The following DCC variants were observed in gnomAD, a reference collection of about 807,000 sequenced individuals.
DCC encodes netrin receptor DCC.
A neutral mutation model predicts 172.5 loss-of-function variants in DCC; 58 were observed. That is an observed-to-expected ratio of 0.34 (90% CI 0.27 to 0.42). The LOEUF is 0.42. DCC is among the 10% of genes least tolerant of loss of function. DCC has a pLI of 1.00. For missense variants in DCC, 1,740 were observed against 1,791.0 expected (o/e 0.97, Z 0.51); for synonymous variants, 709 against 644.5 (o/e 1.10, Z -1.52).
chr18:52,846,652 C>CACACACACAT (rs2038897970), intron 2 of DCC, among the ~76,000 whole-genome samples: 1 of 148,282 alleles, frequency 6.7e-6, no homozygotes, highest in Non-Finnish European at 1.5e-5. Flanking sequence ...CACACACACA[C>CACACACACAT]TTGGGGATAC....
At chr18:52,419,846 T>C (rs1292951583) in intron 1 of DCC, among the ~76,000 whole-genome samples, 4 of 152,218 alleles carry the variant, frequency 2.6e-5, no homozygotes, top group Non-Finnish European at 4.4e-5. Flanking sequence ...GGAATTATAT[T>C]AGTTTCATAA....
At chr18:53,301,107 GA>G (rs2057135743) in intron 12 of DCC, among the ~76,000 whole-genome samples, 1 of 135,232 alleles carries the variant, frequency 7.4e-6, no homozygotes, top group African/African-American at 2.8e-5. Flanking sequence ...TTCTTTTTCC[GA>G]GATGGAGTTT....
At chr18:52,443,449 GT>G (rs11324405) in intron 1 of DCC, among the ~76,000 whole-genome samples, 144,788 of 152,084 alleles carry the variant, frequency 0.95, 69,000 homozygotes, top group African/African-American at 0.99. Context: ...AAATGATGGT[GT>G]TTGTGGGACT....
intron 2 of DCC, among the ~76,000 whole-genome samples, chr18:52,868,762 C>G (rs973660424): frequency 2.0e-5 from 3 of 152,198 alleles, no homozygotes; most frequent in East Asian, 3.9e-4. Flanking sequence ...CTGGCCTGAA[C>G]CCCCTGCCTC....
At chr18:53,471,794 C>A (rs2045699922) in intron 25 of DCC, among the ~76,000 whole-genome samples, 1 of 152,136 alleles carries the variant, frequency 6.6e-6, no homozygotes, top group Non-Finnish European at 1.5e-5. Flanking sequence ...AGCAGGTCTT[C>A]CCTGACCATT....
chr18:53,272,785 T>A (rs901812666), intron 12 of DCC, among the ~76,000 whole-genome samples: 28 of 152,152 alleles, frequency 1.8e-4, no homozygotes, highest in Admixed American at 1.6e-3. Flanking sequence ...CTTCTTAATA[T>A]TTTTCCTTAG....
At chr18:52,940,236 T>A (rs1448866944) in intron 5 of DCC, among the ~76,000 whole-genome samples, 2 of 152,180 alleles carry the variant, frequency 1.3e-5, no homozygotes, top group Non-Finnish European at 2.9e-5. Context: ...GTAGGCCTTG[T>A]ATAAAATGAT....
intron 2 of DCC, among the ~76,000 whole-genome samples, chr18:52,830,489 A>G (rs2145293568): frequency 6.6e-6 from 1 of 152,256 alleles, no homozygotes; most frequent in South Asian, 2.1e-4. Flanking sequence ...TGCTGAGTTG[A>G]GAATAGTCTA....
intron 1 of DCC, among the ~76,000 whole-genome samples, chr18:52,655,385 G>A (rs900168804): frequency 1.3e-5 from 2 of 151,986 alleles, no homozygotes; most frequent in African/African-American, 2.4e-5. Context: ...TGAAAATGGC[G>A]GTCTCTAAGT....
chr18:53,469,574 G>A (rs1233485860), intron 25 of DCC, among the ~76,000 whole-genome samples: 1 of 152,128 alleles, frequency 6.6e-6, no homozygotes, highest in African/African-American at 2.4e-5. Flanking sequence ...TGTTAGTGCT[G>A]CTCTCTGAGT....
intron 1 of DCC, among the ~76,000 whole-genome samples, chr18:52,640,052 G>T (rs1425139408): frequency 3.3e-5 from 5 of 152,140 alleles, no homozygotes; most frequent in South Asian, 4.2e-4. Flanking sequence ...ATGCAGGGAT[G>T]GTTTAACATA....
intron 9 of DCC, among the ~76,000 whole-genome samples, chr18:53,199,921 T>C (rs190283952): frequency 6.4e-4 from 98 of 152,276 alleles, no homozygotes; most frequent in Admixed American, 1.2e-3. Context: ...AAAATAAATT[T>C]TACAACGAAA....
chr18:53,408,113 G>A (rs1046683021), intron 19 of DCC, among the ~76,000 whole-genome samples: 6 of 152,210 alleles, frequency 3.9e-5, no homozygotes, highest in African/African-American at 1.4e-4. Flanking sequence ...TATCCATTAT[G>A]TCCCTGACCT....
chr18:52,789,221 T>G (rs1283090096), intron 2 of DCC, among the ~76,000 whole-genome samples: 5 of 152,144 alleles, frequency 3.3e-5, no homozygotes, highest in Non-Finnish European at 5.9e-5. Flanking sequence ...GGGAATTATC[T>G]GCTTTTAATT....
chr18:52,659,364 G>A (rs79077817), intron 1 of DCC, among the ~76,000 whole-genome samples: 9,785 of 152,192 alleles, frequency 0.064, 405 homozygotes, highest in Non-Finnish European at 0.088. Flanking sequence ...ATTATTGCCT[G>A]GAGGGAGTTG....
At chr18:52,523,642 G>T (rs1359574099) in intron 1 of DCC, among the ~76,000 whole-genome samples, 1 of 152,038 alleles carries the variant, frequency 6.6e-6, no homozygotes, top group Non-Finnish European at 1.5e-5. Flanking sequence ...TGTTTATTGG[G>T]CAACTTAATC....
intron 7 of DCC, among the ~76,000 whole-genome samples, chr18:53,090,156 G>A (rs1295366712): frequency 2.0e-5 from 3 of 152,020 alleles, no homozygotes; most frequent in Non-Finnish European, 2.9e-5. Context: ...TTGCATTGTC[G>A]CTTGGTATAT....
intron 1 of DCC, among the ~76,000 whole-genome samples, chr18:52,395,713 C>T (rs532564793): frequency 2.6e-5 from 4 of 152,134 alleles, no homozygotes; most frequent in Admixed American, 1.3e-4. Context: ...CTTACTCTGG[C>T]AAATCAGAAC....
chr18:53,462,054 G>A (rs376856426), intron 24 of DCC, among the ~76,000 whole-genome samples: 1 of 152,150 alleles, frequency 6.6e-6, no homozygotes, highest in African/African-American at 2.4e-5. Flanking sequence ...AAGAGGGAGG[G>A]GAGGTGAGGA....
Sources: allele counts gnomAD v4.1 joint callset (sites outside exome capture counted in the v4.1 genomes callset), GRCh38; gene constraint gnomAD v4.1.1; transcripts MANE v1.5; gene names NCBI Gene and HGNC (gene_info 2026-07-23, HGNC 2026-07-21).